Variants in LPCAT2 observed in about 807,000 individuals in gnomAD.
LPCAT2 encodes lysophosphatidylcholine acyltransferase 2.
In LPCAT2, 58 loss-of-function variants were observed where a neutral mutation model predicts 64.7. The ratio of observed to expected loss-of-function variants is 0.90; its 90% confidence interval spans 0.73 to 1.12. LPCAT2 has a LOEUF of 1.12. Among genes scored for constraint, LPCAT2 ranks in the 50% most tolerant of loss-of-function variants. The pLI is 0.00. For synonymous variants in LPCAT2, 252 were observed against 245.3 expected (o/e 1.03, Z -0.26); for missense variants, 579 against 669.8 (o/e 0.86, Z 1.50).
At chr16:55,537,534 C>T (rs1567396720) in intron 7 of LPCAT2, 44 bp from the exon 8 acceptor site, 1 of 1,432,070 alleles carries the variant, frequency 7.0e-7, no homozygotes, top group Non-Finnish European at 9.8e-7. Context: ...TAAGATGATA[C>T]TTGCATGACT....
intron 2 of LPCAT2, among the ~76,000 whole-genome samples, chr16:55,527,636 T>C (rs1963190401): frequency 6.6e-6 from 1 of 152,200 alleles, no homozygotes; most frequent in South Asian, 2.1e-4. Context: ...AATTGGATCT[T>C]ACTTGTCTTG....
At chr16:55,545,662 A>G (rs960113119) in intron 8 of LPCAT2, 73 bp from the exon 9 acceptor site, 14 of 935,588 alleles carry the variant, frequency 1.5e-5, no homozygotes, top group East Asian at 2.4e-5. Flanking sequence ...TTGATAATGT[A>G]TAAATTAATT....
In LPCAT2 at chr16:55,583,181, G is replaced by T; in HGVS notation, c.*83G>T. On this transcript the variant is annotated 3_prime_UTR_variant, in exon 14 of 14. Transcript: ENST00000262134. ...TTATTGATAATACTTTTAATGTGTT[G>T]GTAATGATGTTTAAAATTGAAAGAT... 2.0e-6 allele frequency: 2 copies of T among 992,228 alleles called. No individual in the cohort carries two copies. Among genetic ancestry groups the T allele is most frequent in the Non-Finnish European group, 2.9e-6 (2 of 699,030 alleles). 61.5% of individuals were successfully genotyped at this position (992,228 alleles called of 1,614,324 possible).
chr16:55,552,333 T>A (rs764399196), intron 11 of LPCAT2, among the ~76,000 whole-genome samples: 24 of 152,342 alleles, frequency 1.6e-4, no homozygotes, highest in Middle Eastern at 3.4e-3. Flanking sequence ...ATAGTTACTT[T>A]ATCTATTCCC....
chr16:55,564,679 A>G (rs1161637631), intron 11 of LPCAT2, among the ~76,000 whole-genome samples: 3 of 151,988 alleles, frequency 2.0e-5, no homozygotes, highest in Non-Finnish European at 2.9e-5. Context: ...ACTTACACAT[A>G]TACAAAAGTT....
At chr16:55,557,631 A>G (rs1017306570) in intron 11 of LPCAT2, among the ~76,000 whole-genome samples, 4 of 152,176 alleles carry the variant, frequency 2.6e-5, no homozygotes, top group Non-Finnish European at 5.9e-5. Context: ...AAATGCTCCC[A>G]TAAGCCCTTC....
At chr16:55,511,818 T>G (rs555949191) in intron 1 of LPCAT2, among the ~76,000 whole-genome samples, 2 of 152,228 alleles carry the variant, frequency 1.3e-5, no homozygotes, top group South Asian at 2.1e-4. Context: ...GTGACTCTTA[T>G]GCTAATATAC....
chr16:55,545,779 T>C lies in LPCAT2; in HGVS notation c.897T>C (p.Pro299=). The part of the protein sequence containing the change: ...QVPNDEEKND[P]VLFANKVRNL... ...CAAATGATGAAGAAAAAAATGATCC[T>C]GTCCTTTTTGCCAATAAAGTCCGGA... Residue 299 remains proline, a synonymous_variant, in exon 9 of 14, where the codon CCT becomes CCC. Transcript: ENST00000262134. 1 of 1,613,256 alleles carries C rather than the reference T, an allele frequency of 6.2e-7. No individual in the cohort carries two copies. The highest frequency in any genetic ancestry group is 8.5e-7 in the Non-Finnish European group (1 of 1,179,504).
chr16:55,534,351 A>G, intron 6 of LPCAT2, 92 bp from the exon 7 acceptor site: 1 of 785,750 alleles, frequency 1.3e-6, no homozygotes, highest in South Asian at 1.5e-5. Flanking sequence ...AATTTCAGAA[A>G]AAATACATGA....
At position 55,583,992 on chromosome 16, in the gene LPCAT2, T is replaced by C. The variant is rs1003124833; in HGVS notation, c.*894T>C. 2 of 152,202 alleles carry C rather than the reference T, an allele frequency of 1.3e-5. No individual in the cohort carries two copies. The highest frequency in any genetic ancestry group is 4.8e-5 in the African/African-American group (2 of 41,454). 9.4% of individuals were successfully genotyped at this position (152,202 alleles called of 1,614,324 possible). A position where few individuals can be genotyped will look rare whatever the true frequency, so the allele number is the denominator to read the frequency against. On this transcript the variant is annotated 3_prime_UTR_variant, in exon 14 of 14. Transcript: ENST00000262134. ...GCCACCGTTCCCGGCCTATTGTAGA[T>C]TTTCTTAACTACTTGCTAAGGAAAT...
Position 55,567,365 on chromosome 16 carries a change from T to C in LPCAT2, c.1216-7266T>C, listed in dbSNP as rs765816811. 3 of 1,613,628 alleles carry C rather than the reference T, an allele frequency of 1.9e-6. No individual in the cohort carries two copies. In the African/African-American group the frequency reaches 4.0e-5, roughly 22 times the overall value. On this transcript the variant is annotated intron_variant, in intron 11 of 13. Transcript: ENST00000262134. ...GCCGGTATGCTAATGAAGATGGAGATATGGATTTTAACAATTTCATCAGCT... is the reference window on the plus strand; with the variant it reads ...GCCGGTATGCTAATGAAGATGGAGACATGGATTTTAACAATTTCATCAGCT...
At chr16:55,565,143 A>G (rs1285067974) in intron 11 of LPCAT2, among the ~76,000 whole-genome samples, 3 of 152,016 alleles carry the variant, frequency 2.0e-5, no homozygotes, top group Admixed American at 6.6e-5. Flanking sequence ...CAAAACTACA[A>G]TGTTATACCA....
chr16:55,562,279 C>T (rs184274283), intron 11 of LPCAT2, among the ~76,000 whole-genome samples: 1 of 151,938 alleles, frequency 6.6e-6, no homozygotes, highest in East Asian at 1.9e-4. Context: ...TTTTATATCC[C>T]TTATCTATTT....
rs775394690 is a variant in LPCAT2, at chr16:55,509,263, A to T, written c.82A>T (p.Met28Leu). 4.6e-6 allele frequency: 7 copies of T among 1,507,204 alleles called. No homozygotes were observed. Among genetic ancestry groups the T allele is most frequent in the Non-Finnish European group, 5.3e-6 (6 of 1,121,600 alleles). 93.4% of individuals were successfully genotyped at this position (1,507,204 alleles called of 1,614,324 possible). A position where few individuals can be genotyped will look rare whatever the true frequency, so the allele number is the denominator to read the frequency against. ...CGGGAACGTGGGGCTGCGGCCGCCC[A>T]TGGTGCCCCGTCAGGCGTCCTTCTT... ...GVGNVGLRPP[M>L]VPRQASFFPP... The change falls in exon 1 of 14, where the codon ATG (methionine) becomes TTG (leucine). Residue 28 changes from methionine to leucine, a missense_variant. Physicochemically the swap from Met to Leu is conservative, Grantham distance 15. Transcript: ENST00000262134.
At chr16:55,521,795 C>A (rs1178244289) in intron 1 of LPCAT2, among the ~76,000 whole-genome samples, 2 of 151,536 alleles carry the variant, frequency 1.3e-5, no homozygotes, top group Non-Finnish European at 1.5e-5. Flanking sequence ...AAATTCAATA[C>A]CCACTAGTGA....
At position 55,583,579 on chromosome 16, in the gene LPCAT2, C is replaced by T. The variant is rs1241164664; in HGVS notation, c.*481C>T. On this transcript the variant is annotated 3_prime_UTR_variant, in exon 14 of 14. Coordinates refer to ENST00000262134, the MANE Select transcript of LPCAT2 (RefSeq NM_017839.5). ...CAGATTCATTTTTCCATTTAAATTT[C>T]AGTTTCTTGGATCACTGAATATGGG... The T allele has an allele frequency of 6.5e-6, 1 of 152,908 alleles. No individual in the cohort carries two copies. Among genetic ancestry groups the T allele is most frequent in the African/African-American group, 2.4e-5 (1 of 41,446 alleles). 9.5% of individuals were successfully genotyped at this position (152,908 alleles called of 1,614,324 possible).
intron 12 of LPCAT2, among the ~76,000 whole-genome samples, chr16:55,577,335 C>T (rs1963838954): frequency 6.6e-6 from 1 of 152,058 alleles, no homozygotes; most frequent in African/African-American, 2.4e-5. Context: ...TTATCTAATA[C>T]CTGTTTTTCT....
intron 8 of LPCAT2, chr16:55,541,984 T>C (rs926600013): frequency 8.4e-7 from 1 of 1,186,706 alleles, no homozygotes; most frequent in Non-Finnish European, 1.1e-6. Context: ...TTTAAAATTA[T>C]TTTCTGTTAC....
intron 11 of LPCAT2, among the ~76,000 whole-genome samples, chr16:55,568,774 A>C (rs1340753986): frequency 4.6e-5 from 7 of 152,186 alleles, no homozygotes; most frequent in African/African-American, 1.7e-4. Flanking sequence ...CAGGAGAAGG[A>C]AGATAGAAAT....
Sources: gnomAD v4.1 joint callset for allele counts (sites outside exome capture counted in the v4.1 genomes callset) on GRCh38, gnomAD v4.1.1 for gene constraint, MANE v1.5 for transcripts, NCBI Gene and HGNC (gene_info 2026-07-23, HGNC 2026-07-21) for gene names.